SLC44A5: variants seen among roughly 807,000 people sequenced by gnomAD.
The protein encoded by SLC44A5 is solute carrier family 44 member 5.
In SLC44A5, 57 loss-of-function variants were observed where a neutral mutation model predicts 101.8. That is an observed-to-expected ratio of 0.56 (90% CI 0.45 to 0.70). The LOEUF is 0.70. Ranked by LOEUF, SLC44A5 falls within the 30% of genes least tolerant of loss-of-function variation. The pLI, the probability that SLC44A5 is intolerant of heterozygous loss-of-function variation, is 0.00. For missense variants in SLC44A5, 737 were observed against 853.1 expected, an observed-to-expected ratio of 0.86 and a Z score of 1.70; for synonymous variants, 281 against 290.9, an observed-to-expected ratio of 0.97 and a Z score of 0.35.
At chr1:75,440,222 G>A (rs561203985) in intron 2 of SLC44A5, among the ~76,000 whole-genome samples, 149 of 152,218 alleles carry the variant, frequency 9.8e-4, no homozygotes, top group African/African-American at 3.4e-3. Flanking sequence ...GGGAATAGTA[G>A]TACCAAGAAA....
chr1:75,597,945 T>A (rs1263432334), intron 1 of SLC44A5, among the ~76,000 whole-genome samples: 2 of 152,020 alleles, frequency 1.3e-5, no homozygotes, highest in Non-Finnish European at 2.9e-5. Context: ...ACAAATGGGA[T>A]CTGATTAAAC....
intron 2 of SLC44A5, among the ~76,000 whole-genome samples, chr1:75,460,736 A>G (rs1666451759): frequency 6.6e-6 from 1 of 152,172 alleles, no homozygotes. Context: ...TACTGATATT[A>G]TTGCTATTTT....
chr1:75,466,636 A>T (rs1005895878), intron 2 of SLC44A5, among the ~76,000 whole-genome samples: 2 of 147,940 alleles, frequency 1.4e-5, no homozygotes, highest in African/African-American at 5.0e-5. Context: ...AGCCTGGGTG[A>T]CAGTTCAAGA....
At chr1:75,496,896 A>T (rs748410723) in intron 2 of SLC44A5, among the ~76,000 whole-genome samples, 9 of 152,078 alleles carry the variant, frequency 5.9e-5, no homozygotes, top group African/African-American at 9.7e-5. Flanking sequence ...TAATATCACT[A>T]ATCATCAGGG....
upstream of SLC44A5, among the ~76,000 whole-genome samples, chr1:75,613,732 G>C (rs1266324899): frequency 3.3e-5 from 5 of 152,172 alleles, no homozygotes; most frequent in African/African-American, 9.7e-5. Flanking sequence ...CAGAGAAACT[G>C]TTAACACTTA....
intron 2 of SLC44A5, among the ~76,000 whole-genome samples, chr1:75,435,253 T>C (rs993208988): frequency 1.3e-5 from 2 of 152,170 alleles, no homozygotes. Context: ...TTCAGTTAAC[T>C]GAAATATATA....
intron 4 of SLC44A5, among the ~76,000 whole-genome samples, chr1:75,336,170 T>G (rs758466033): frequency 6.6e-6 from 1 of 152,146 alleles, no homozygotes; most frequent in African/African-American, 2.4e-5. Context: ...TATTATTATT[T>G]TTTGAGACAG....
chr1:75,617,916 C>T, the SLC44A5 span, among the ~76,000 whole-genome samples: 1 of 152,170 alleles, frequency 6.6e-6, no homozygotes, highest in African/African-American at 2.4e-5. Context: ...TTATTCATTA[C>T]TTTCACATAC....
At chr1:75,249,831 C>T (rs968671143) in intron 7 of SLC44A5, among the ~76,000 whole-genome samples, 5 of 152,080 alleles carry the variant, frequency 3.3e-5, no homozygotes, top group African/African-American at 1.2e-4. Flanking sequence ...GAGAGGTAGA[C>T]TATAGAAGAC....
chr1:75,262,347 TAGAG>T (rs1324827558), intron 6 of SLC44A5, among the ~76,000 whole-genome samples: 1 of 151,052 alleles, frequency 6.6e-6, no homozygotes, highest in Non-Finnish European at 1.5e-5. Context: ...CAAGAACAAA[TAGAG>T]AGCAAAACTA....
At chr1:75,410,721 A>C (rs555773453) in intron 2 of SLC44A5, among the ~76,000 whole-genome samples, 1 of 152,284 alleles carries the variant, frequency 6.6e-6, no homozygotes, top group African/African-American at 2.4e-5. Flanking sequence ...AGTTGGTGAC[A>C]AACTGGTATA....
chr1:75,506,160 T>C (rs1472667397), intron 2 of SLC44A5, among the ~76,000 whole-genome samples: 1 of 152,170 alleles, frequency 6.6e-6, no homozygotes, highest in Non-Finnish European at 1.5e-5. Context: ...CAGACAGTTG[T>C]AGGTGTGTGG....
chr1:75,722,871 A>G, the SLC44A5 span, among the ~76,000 whole-genome samples: 1 of 152,182 alleles, frequency 6.6e-6, no homozygotes, highest in Non-Finnish European at 1.5e-5. Context: ...ACATTCTTTG[A>G]TATCTGTTGG....
intron 2 of SLC44A5, among the ~76,000 whole-genome samples, chr1:75,451,705 A>G (rs1665917890): frequency 6.6e-6 from 1 of 152,092 alleles, no homozygotes; most frequent in Non-Finnish European, 1.5e-5. Context: ...TTCAAAATAT[A>G]AGTGAAAACT....
chr1:75,650,528 C>T, the SLC44A5 span, among the ~76,000 whole-genome samples: 1 of 152,236 alleles, frequency 6.6e-6, no homozygotes, highest in Non-Finnish European at 1.5e-5. Flanking sequence ...GTGTAGACTT[C>T]ATCAATCTGC....
chr1:75,659,923 A>G, the SLC44A5 span, among the ~76,000 whole-genome samples: 3 of 152,148 alleles, frequency 2.0e-5, no homozygotes, highest in Admixed American at 1.3e-4. Flanking sequence ...ATGCAAATCA[A>G]TAAATGTAAT....
chr1:75,311,579 C>G, intron 4 of SLC44A5: 28 of 984,774 alleles, frequency 2.8e-5, no homozygotes, highest in Non-Finnish European at 3.4e-5. Flanking sequence ...TGAAATATGG[C>G]CTTCAAAGAC....
the SLC44A5 span, among the ~76,000 whole-genome samples, chr1:75,691,407 A>C: frequency 6.6e-6 from 1 of 152,124 alleles, no homozygotes; most frequent in Admixed American, 6.6e-5. Context: ...ACTAGATAAA[A>C]TCATCTAGAA....
the SLC44A5 span, among the ~76,000 whole-genome samples, chr1:75,718,340 C>A: frequency 6.6e-6 from 1 of 152,122 alleles, no homozygotes; most frequent in Non-Finnish European, 1.5e-5. Context: ...CACTTGATAG[C>A]CCTTTGTGGA....
Sources: allele counts gnomAD v4.1 joint callset (sites outside exome capture counted in the v4.1 genomes callset), GRCh38; gene constraint gnomAD v4.1.1; transcripts MANE v1.5; gene names NCBI Gene and HGNC (gene_info 2026-07-23, HGNC 2026-07-21).